SFI1: variants seen among roughly 807,000 people sequenced by gnomAD.
SFI1 encodes SFI1 centrin binding protein, also known as protein SFI1 homolog.
A neutral mutation model predicts 207.5 loss-of-function variants in SFI1; 195 were observed. That is an observed-to-expected ratio of 0.94 (90% confidence interval 0.84 to 1.06). SFI1 has a LOEUF of 1.06. SFI1 is among the 50% of genes least tolerant of loss of function. The pLI is 0.00. For synonymous variants in SFI1, 630 were observed against 598.9 expected (o/e 1.05, Z -0.76); for missense variants, 1,634 against 1,588.0 (o/e 1.03, Z -0.49).
chr22:31,515,462 C>G (rs115953817), intron 2 of SFI1, among the ~76,000 whole-genome samples: 4 of 150,486 alleles, frequency 2.7e-5, no homozygotes, highest in Non-Finnish European at 5.9e-5. Context: ...ATCCTCCTTC[C>G]TCAGCCTCCC....
rs766694932 is a variant in SFI1 at position 31,528,833 on chromosome 22, G to C, written c.236G>C (p.Arg79Pro). The C allele has an allele frequency of 1.2e-5, 19 of 1,613,856 alleles. No individual in the cohort carries two copies. The highest frequency in any genetic ancestry group is 1.4e-5 in the Non-Finnish European group (17 of 1,179,906). The change falls in exon 3 of 33, where the codon CGA becomes CCA. Residue 79 changes from arginine (R) to proline (P), a missense_variant. Transcript: ENST00000400288. The stretch of plus-strand genomic sequence containing the variant: ...TATCGTGGCACACATACTTGTACCC[G>C]ACAGGGCCGGTTAAGAGAACTGCGC... Reference protein sequence around the residue: ...VQYRGTHTCTRQGRLRELRIR... With the variant: ...VQYRGTHTCTPQGRLRELRIR...
At chr22:31,583,430 T>C (rs1206091835) in intron 12 of SFI1, among the ~76,000 whole-genome samples, 2 of 152,236 alleles carry the variant, frequency 1.3e-5, no homozygotes, top group Non-Finnish European at 1.5e-5. Flanking sequence ...TTTTATGTTA[T>C]TGATTTATCT....
At chr22:31,516,449 G>A (rs1369872825) in intron 2 of SFI1, among the ~76,000 whole-genome samples, 1 of 151,748 alleles carries the variant, frequency 6.6e-6, no homozygotes, top group Non-Finnish European at 1.5e-5. Context: ...TGAGGTGGGG[G>A]TTACAGTGAG....
intron 15 of SFI1, among the ~76,000 whole-genome samples, chr22:31,599,067 C>G (rs1451317682): frequency 1.3e-5 from 2 of 151,688 alleles, no homozygotes; most frequent in Non-Finnish European, 1.5e-5. Flanking sequence ...GCTGGGATTA[C>G]AGGTGTGAGC....
At chr22:31,515,020 C>T (rs1310303205) in intron 2 of SFI1, among the ~76,000 whole-genome samples, 1 of 152,126 alleles carries the variant, frequency 6.6e-6, no homozygotes, top group Non-Finnish European at 1.5e-5. Flanking sequence ...TTGCCCACCT[C>T]AGCCTCTCAA....
rs374757474 is a variant in SFI1, at chr22:31,615,263, C to T, written c.3284C>T (p.Ala1095Val). The change falls in exon 29 of 33, where the codon GCG (alanine) becomes GTG (valine). Residue 1095 changes from alanine to valine, a missense_variant. Transcript: ENST00000400288. ...LPLSSFMPCG[A>V]AAPARVSAQR... ...CTTTCCTCCTTCATGCCCTGCGGGG[C>T]GGCTGCACCAGCCAGGGTACGTCCT... 16 of 1,502,340 alleles carry T rather than the reference C, an allele frequency of 1.1e-5. No homozygotes were observed. Among genetic ancestry groups the T allele is most frequent in the Middle Eastern group, 1.8e-4 (1 of 5,542 alleles). The allele number at this position is 1,502,340 out of a possible 1,614,324, so 93.1% of individuals were successfully genotyped here. A position where few individuals can be genotyped will look rare whatever the true frequency, so the allele number is the denominator to read the frequency against.
At chr22:31,572,531 C>T (rs970897667) in intron 8 of SFI1, among the ~76,000 whole-genome samples, 8 of 151,910 alleles carry the variant, frequency 5.3e-5, no homozygotes, top group Admixed American at 6.6e-5. Context: ...TTGAGTTGGT[C>T]GCTCTTGTCG....
chr22:31,577,117 G>T (rs2063606672), intron 10 of SFI1, among the ~76,000 whole-genome samples: 2 of 152,152 alleles, frequency 1.3e-5, no homozygotes, highest in African/African-American at 4.8e-5. Context: ...ATTGTCTAGT[G>T]GGGGAAATAG....
intron 1 of SFI1, among the ~76,000 whole-genome samples, chr22:31,498,789 G>A (rs2053198982): frequency 6.6e-6 from 1 of 151,978 alleles, no homozygotes. Context: ...TAGAAGGGGA[G>A]CCTAAAAATG....
At chr22:31,580,542 CTTTTTTTTTTTT>C (rs11347645) in intron 12 of SFI1, among the ~76,000 whole-genome samples, 178 bp downstream of exon 12, 3 of 117,282 alleles carry the variant, frequency 2.6e-5, no homozygotes, top group East Asian at 2.6e-4. Context: ...CTTTTCTTTT[CTTTTTTTTTTTT>C]TTTTTTTTGA....
chr22:31,573,291 CT>C, intron 9 of SFI1, 77 bp downstream of exon 9: 1 of 1,475,116 alleles, frequency 6.8e-7, no homozygotes, highest in South Asian at 1.3e-5. Context: ...TGGTACTGTA[CT>C]AAGAAGTAAT....
chr22:31,530,731 G>A (rs968913561), intron 3 of SFI1: 12 of 428,558 alleles, frequency 2.8e-5, no homozygotes, highest in African/African-American at 4.1e-5. Context: ...GAAGGTTCAG[G>A]CATTTGCCGG....
At chr22:31,582,206 TTA>T (rs1569376532) in intron 12 of SFI1, among the ~76,000 whole-genome samples, 10 of 36,600 alleles carry the variant, frequency 2.7e-4, no homozygotes, top group African/African-American at 1.2e-3. Context: ...TTATTACATT[TTA>T]TATATATATA....
chr22:31,557,480 T>C (rs1402545954), intron 7 of SFI1, among the ~76,000 whole-genome samples: 1 of 152,116 alleles, frequency 6.6e-6, no homozygotes, highest in Non-Finnish European at 1.5e-5. Context: ...TGAGCCACCA[T>C]GCCCCCTTCC....
chr22:31,500,000 A>AG (rs2053449187), intron 1 of SFI1, among the ~76,000 whole-genome samples: 1 of 150,004 alleles, frequency 6.7e-6, no homozygotes, highest in Non-Finnish European at 1.5e-5. Flanking sequence ...AAAAAAAAAA[A>AG]AAACATTGAA....
At chr22:31,501,952 AGTGAGTGTGTGT>A (rs1470176273) in intron 1 of SFI1, among the ~76,000 whole-genome samples, 1 of 152,114 alleles carries the variant, frequency 6.6e-6, no homozygotes, top group African/African-American at 2.4e-5. Context: ...TCCTAGTGTC[AGTGAGTGTGTGT>A]GTGAGTGTGC....
intron 2 of SFI1, among the ~76,000 whole-genome samples, chr22:31,520,098 A>G (rs1430807437): frequency 1.3e-5 from 2 of 151,960 alleles, no homozygotes; most frequent in African/African-American, 4.8e-5. Context: ...TAACACAAAT[A>G]CAGAAAACGG....
At chr22:31,590,851 A>ATTTTAT (rs879411815) in intron 15 of SFI1, among the ~76,000 whole-genome samples, 8 of 146,168 alleles carry the variant, frequency 5.5e-5, no homozygotes, top group African/African-American at 1.7e-4. Flanking sequence ...TTCTCTTTTT[A>ATTTTAT]TTTTATTTTT....
At chr22:31,568,531 C>CAAAAAAAA (rs60447566) in intron 8 of SFI1, among the ~76,000 whole-genome samples, 4 of 37,430 alleles carry the variant, frequency 1.1e-4, no homozygotes, top group Admixed American at 3.5e-4. Context: ...GACCCTGTCT[C>CAAAAAAAA]AAAAAAAAAA....
Sources: gnomAD v4.1 joint callset for allele counts (sites outside exome capture counted in the v4.1 genomes callset) on GRCh38, gnomAD v4.1.1 for gene constraint, MANE v1.5 for transcripts, NCBI Gene and HGNC (gene_info 2026-07-23, HGNC 2026-07-21) for gene names.